Variants in KLHL1 observed in about 807,000 individuals in gnomAD.
KLHL1 encodes kelch-like protein 1.
Under a neutral mutation model 77.7 loss-of-function variants are expected in KLHL1, and 47 were observed. That is an observed-to-expected ratio of 0.60 (90% confidence interval 0.48 to 0.77). KLHL1 has a LOEUF of 0.77. Among genes scored for constraint, KLHL1 ranks in the 30% least tolerant of loss-of-function variants. The probability of loss-of-function intolerance (pLI) is 0.00; values close to 1 mark genes in which losing one functional copy is unlikely to be tolerated. For missense variants in KLHL1, 925 were observed against 910.8 expected (o/e 1.02, Z -0.20); for synonymous variants, 360 against 325.2 (o/e 1.11, Z -1.15).
At chr13:69,756,566 A>G (rs988471302) in intron 7 of KLHL1, among the ~76,000 whole-genome samples, 3 of 152,208 alleles carry the variant, frequency 2.0e-5, no homozygotes, top group Non-Finnish European at 4.4e-5. Flanking sequence ...CTAAATTCAG[A>G]AAGATTTTAG....
intron 3 of KLHL1, among the ~76,000 whole-genome samples, chr13:69,955,998 T>A (rs1296982460): frequency 8.5e-6 from 1 of 117,204 alleles, no homozygotes; most frequent in Non-Finnish European, 1.9e-5. Context: ...ATTTATTTGA[T>A]ATATATTTAT....
intron 6 of KLHL1, among the ~76,000 whole-genome samples, chr13:69,838,228 T>C (rs1441850936): frequency 6.6e-6 from 1 of 151,776 alleles, no homozygotes. Flanking sequence ...TTTGGTCATA[T>C]TCTATTGTTG....
chr13:69,795,264 CTG>C (rs1877054111), intron 7 of KLHL1, among the ~76,000 whole-genome samples: 1 of 152,158 alleles, frequency 6.6e-6, no homozygotes, highest in Non-Finnish European at 1.5e-5. Context: ...CCCCATCAAT[CTG>C]TGTATATTTA....
chr13:69,789,182 G>A (rs1876733060), intron 7 of KLHL1, among the ~76,000 whole-genome samples: 1 of 151,758 alleles, frequency 6.6e-6, no homozygotes, highest in African/African-American at 2.4e-5. Context: ...TATTCCACAG[G>A]AATCTTTAGG....
intron 1 of KLHL1, among the ~76,000 whole-genome samples, chr13:70,080,058 T>C (rs933552952): frequency 5.3e-5 from 8 of 152,196 alleles, no homozygotes; most frequent in African/African-American, 1.9e-4. Flanking sequence ...AGATGTGTTT[T>C]CTTGCAGCAG....
intron 7 of KLHL1, among the ~76,000 whole-genome samples, chr13:69,771,500 C>T (rs946501109): frequency 2.6e-5 from 4 of 152,126 alleles, no homozygotes; most frequent in East Asian, 3.9e-4. Flanking sequence ...GAAATTTCAT[C>T]CATAGAAGCT....
At position 69,983,605 on chromosome 13, in the gene KLHL1, A is replaced by AAGAG. The variant is rs1208760156; in HGVS notation, c.498-7804_498-7803insCTCT. Among the ~76,000 whole-genome samples, 153 of 130,264 alleles carry AAGAG rather than the reference A, an allele frequency of 1.2e-3. 3 individuals carry two copies. The highest frequency in any genetic ancestry group is 5.3e-3 in the African/African-American group (146 of 27,306). 85.5% of individuals were successfully genotyped at this position (130,264 alleles called of 152,430 possible). A position where few individuals can be genotyped will look rare whatever the true frequency, so the allele number is the denominator to read the frequency against. On this transcript the variant is annotated intron_variant, in intron 1 of 10. Coordinates refer to ENST00000377844, the MANE Select transcript of KLHL1 (RefSeq NM_020866.3). Reference sequence around the variant, plus strand: ...AAAAAAAAAAAAGAAGAAGAAGAAGAGAAAAAAAAAAAAAAGCTGTGTTTG... The same window carrying AAGAG: ...AAAAAAAAAAAAGAAGAAGAAGAAGAAGAGGAAAAAAAAAAAAAAGCTGTGTTTG...
At position 69,751,103 on chromosome 13, in the gene KLHL1, CAT is replaced by C. The variant is rs898416401; in HGVS notation, c.1640-10549_1640-10548del. ...AGCCTCTAATATCTTTCATTCATGT[CAT>C]GTGTGTATGTGTGTGTGTGTGTGTG... On this transcript the variant is annotated intron_variant, in intron 7 of 10. Coordinates refer to ENST00000377844, the MANE Select transcript of KLHL1 (RefSeq NM_020866.3). Among the ~76,000 whole-genome samples, 16 of 136,842 alleles carry C rather than the reference CAT, an allele frequency of 1.2e-4. No homozygotes were observed. The East Asian group carries it at 3.1e-3, about 27-fold the overall frequency. The allele number at this position is 136,842 out of a possible 152,430, so 89.8% of individuals were successfully genotyped here.
Position 69,917,456 on chromosome 13 carries a change from C to T in KLHL1, c.1014+22584G>A, listed in dbSNP as rs1039757119. Among the ~76,000 whole-genome samples the T allele has an allele frequency of 2.6e-5, 4 of 152,058 alleles. 1 individual carries two copies. The South Asian group carries it at 6.2e-4, about 24-fold the overall frequency. On this transcript the variant is annotated intron_variant, in intron 4 of 10. Coordinates refer to ENST00000377844, the MANE Select transcript of KLHL1 (RefSeq NM_020866.3). The stretch of plus-strand genomic sequence containing the variant: ...ACTGACCTAGAATTAAGAAAACCCC[C>T]GTCCCAGTGAGCACATTAAGTAATC...
At chr13:69,975,843 A>C (rs1402398098) in intron 1 of KLHL1, 41 bp from the exon 2 acceptor site, 2 of 1,496,822 alleles carry the variant, frequency 1.3e-6, no homozygotes, top group Admixed American at 2.6e-5. Context: ...CAAAATAATA[A>C]AGGGATTTAT....
In KLHL1 at chr13:69,915,435, G is replaced by T. The variant is rs180781028; in HGVS notation, c.1014+24605C>A. Among the ~76,000 whole-genome samples, 1,106 of 152,202 alleles carry T rather than the reference G, an allele frequency of 7.3e-3. 11 individuals carry two copies. Among genetic ancestry groups the T allele is most frequent in the African/African-American group, 0.025 (1,050 of 41,532 alleles). ...ACAGAACAGAGCCCTCAGAAATAAT[G>T]CTGCATATCTACAACTATCTGATCT... On this transcript the variant is annotated intron_variant, in intron 4 of 10. Transcript: ENST00000377844.
At chr13:69,977,930 T>C (rs1884594511) in intron 1 of KLHL1, among the ~76,000 whole-genome samples, 1 of 152,218 alleles carries the variant, frequency 6.6e-6, no homozygotes, top group Non-Finnish European at 1.5e-5. Flanking sequence ...TGATATTACC[T>C]GTGTTCTCTG....
At chr13:69,861,970 TAA>T (rs1370819055) in intron 5 of KLHL1, among the ~76,000 whole-genome samples, 3 of 69,374 alleles carry the variant, frequency 4.3e-5, no homozygotes, top group Admixed American at 1.2e-4. Flanking sequence ...CGTCTCAAAA[TAA>T]AATAAAATAA....
chr13:69,779,505 T>C (rs1410377181), intron 7 of KLHL1, among the ~76,000 whole-genome samples: 1 of 151,920 alleles, frequency 6.6e-6, no homozygotes, highest in Admixed American at 6.6e-5. Flanking sequence ...TTCTTTCCTG[T>C]CCTTTTTCCT....
intron 1 of KLHL1, among the ~76,000 whole-genome samples, chr13:69,991,577 G>GA (rs1002767717): frequency 1.3e-5 from 2 of 151,314 alleles, no homozygotes; most frequent in Admixed American, 6.6e-5. Flanking sequence ...AGAAAAGGTA[G>GA]AAAAAATGGA....
At chr13:69,996,170 G>A (rs757825557) in intron 1 of KLHL1, among the ~76,000 whole-genome samples, 1 of 152,000 alleles carries the variant, frequency 6.6e-6, no homozygotes, top group Non-Finnish European at 1.5e-5. Flanking sequence ...GCGCATGGTA[G>A]CATGTCCCTA....
intron 1 of KLHL1, among the ~76,000 whole-genome samples, chr13:70,079,859 C>T (rs777669995): frequency 6.6e-6 from 1 of 152,050 alleles, no homozygotes; most frequent in Non-Finnish European, 1.5e-5. Flanking sequence ...AAGTCCATAC[C>T]TTGTGTGATT....
chr13:69,974,492 T>C (rs1040900325), intron 2 of KLHL1, among the ~76,000 whole-genome samples: 6 of 151,750 alleles, frequency 4.0e-5, no homozygotes, highest in Admixed American at 6.6e-5. Flanking sequence ...ACAGATTGGT[T>C]AAAAATGTTT....
intron 4 of KLHL1, among the ~76,000 whole-genome samples, chr13:69,902,443 G>A (rs966987079): frequency 1.3e-5 from 2 of 152,134 alleles, no homozygotes; most frequent in African/African-American, 2.4e-5. Context: ...TTTCAGTCAA[G>A]TGATGTGTAT....
Sources: gnomAD v4.1 joint callset for allele counts (sites outside exome capture counted in the v4.1 genomes callset) on GRCh38, gnomAD v4.1.1 for gene constraint, MANE v1.5 for transcripts, NCBI Gene and HGNC (gene_info 2026-07-23, HGNC 2026-07-21) for gene names.